CCNH: variants seen among roughly 807,000 people sequenced by gnomAD.
The protein encoded by CCNH is cyclin-H.
CCNH carries 31 observed loss-of-function variants against 41.9 expected under a neutral mutation model. The observed-to-expected ratio is 0.74, with a 90% CI of 0.56 to 1.00. CCNH has a LOEUF of 1.00. Ranked by LOEUF, CCNH falls within the 50% of genes least tolerant of loss-of-function variation. CCNH has a pLI of 0.00. For missense variants in CCNH, 362 were observed against 388.4 expected (o/e 0.93, Z 0.57); for synonymous variants, 138 against 136.1 (o/e 1.01, Z -0.10).
intron 7 of CCNH, among the ~76,000 whole-genome samples, chr5:87,397,765 G>A (rs1360334489): frequency 6.6e-6 from 1 of 152,194 alleles, no homozygotes; most frequent in Non-Finnish European, 1.5e-5. Context: ...GAAAGGGTAG[G>A]ATTAGTAGTT....
At chr5:87,351,726 G>A (rs1368590801) in intron 9 of CCNH, among the ~76,000 whole-genome samples, 1 of 151,638 alleles carries the variant, frequency 6.6e-6, no homozygotes, top group African/African-American at 2.4e-5. Flanking sequence ...ATAAATGGAA[G>A]AGTAATTTTT....
intron 9 of CCNH, among the ~76,000 whole-genome samples, chr5:87,367,828 T>C (rs957727109): frequency 6.6e-6 from 1 of 152,218 alleles, no homozygotes; most frequent in African/African-American, 2.4e-5. Flanking sequence ...AACATTTTCG[T>C]TGTCATTCAA....
At chr5:87,401,901 T>C (rs1763450727) in intron 5 of CCNH, 129 bp from the exon 6 acceptor site, 1 of 538,216 alleles carries the variant, frequency 1.9e-6, no homozygotes, top group South Asian at 2.9e-5. Flanking sequence ...GAATGTATAA[T>C]CTGTAACTCC....
At chr5:87,316,422 A>G (rs974319730), downstream of CCNH, among the ~76,000 whole-genome samples, 4 of 152,376 alleles carry the variant, frequency 2.6e-5, no homozygotes, top group African/African-American at 9.6e-5. Flanking sequence ...GTAGATAAAC[A>G]GTTAAATGGA....
chr5:87,368,472 T>C (rs1427419868), intron 9 of CCNH, among the ~76,000 whole-genome samples: 3 of 152,212 alleles, frequency 2.0e-5, no homozygotes, highest in South Asian at 4.1e-4. Context: ...GCCTGTAGTG[T>C]CTACTTAGTT....
Position 87,333,297 on chromosome 5 carries a change from A to T in CCNH, c.*91-14400T>A, listed in dbSNP as rs1222731120. On this transcript the variant is annotated intron_variant and NMD_transcript_variant, in intron 9 of 9. Transcript: ENST00000645953. ...AGAAGATAGAAGGCGTGTACGAGCT[A>T]TTCTACCTTACACAAAAGTACCAGA... 2 of 1,613,098 alleles carry T rather than the reference A, an allele frequency of 1.2e-6. No homozygotes were observed. Among genetic ancestry groups the T allele is most frequent in the Non-Finnish European group, 1.7e-6 (2 of 1,179,534 alleles).
chr5:87,389,334 A>C, downstream of CCNH: 1 of 1,605,716 alleles, frequency 6.2e-7, no homozygotes, highest in Non-Finnish European at 8.5e-7. Flanking sequence ...TCTGTCTCAA[A>C]AAAAACAAAA....
At chr5:87,335,910 T>A (rs1757942538) in intron 9 of CCNH, among the ~76,000 whole-genome samples, 2 of 152,192 alleles carry the variant, frequency 1.3e-5, no homozygotes, top group African/African-American at 4.8e-5. Context: ...CACTGATAAA[T>A]AGTTTTGGAT....
intron 9 of CCNH, among the ~76,000 whole-genome samples, chr5:87,328,379 T>A (rs1388784471): frequency 6.6e-6 from 1 of 152,184 alleles, no homozygotes; most frequent in Non-Finnish European, 1.5e-5. Flanking sequence ...TAAAGAGATA[T>A]AATAAGGCTT....
downstream of CCNH, among the ~76,000 whole-genome samples, chr5:87,316,590 A>G (rs1756358867): frequency 6.6e-6 from 1 of 152,102 alleles, no homozygotes; most frequent in African/African-American, 2.4e-5. Context: ...GACCTGTCCC[A>G]CAGAGACTTG....
chr5:87,336,520 T>A (rs1360898525), intron 9 of CCNH, among the ~76,000 whole-genome samples: 1 of 152,100 alleles, frequency 6.6e-6, no homozygotes, highest in African/African-American at 2.4e-5. Flanking sequence ...AATAAAGCAC[T>A]TTAGCCTGTT....
At chr5:87,398,829 T>C (rs3093832) in intron 7 of CCNH, among the ~76,000 whole-genome samples, 9 of 151,936 alleles carry the variant, frequency 5.9e-5, no homozygotes, top group East Asian at 3.9e-4. Flanking sequence ...AAAAATTAGC[T>C]GGGCGTGGTG....
chr5:87,324,115 A>T (rs1237171726), intron 9 of CCNH, among the ~76,000 whole-genome samples: 1 of 152,232 alleles, frequency 6.6e-6, no homozygotes, highest in Non-Finnish European at 1.5e-5. Flanking sequence ...GTGATTTCTT[A>T]TCTTCATGTG....
At chr5:87,364,674 G>A (rs1760373062) in intron 9 of CCNH, among the ~76,000 whole-genome samples, 1 of 151,938 alleles carries the variant, frequency 6.6e-6, no homozygotes, top group Non-Finnish European at 1.5e-5. Context: ...TTTCTTTTTA[G>A]TTCTACTCTG....
At chr5:87,389,022 A>G (rs1370314226), downstream of CCNH, among the ~76,000 whole-genome samples, 1 of 152,232 alleles carries the variant, frequency 6.6e-6, no homozygotes, top group Non-Finnish European at 1.5e-5. Context: ...CAAAGGTTAC[A>G]AAGTCTATAT....
rs183544492 is a variant in CCNH at position 87,345,583 on chromosome 5, A to G, written c.*91-26686T>C. 1.2e-3 allele frequency among the ~76,000 whole-genome samples: 179 copies of G among 152,302 alleles called. 2 individuals are homozygous for G. Among genetic ancestry groups the G allele is most frequent in the African/African-American group, 4.1e-3 (169 of 41,584 alleles). Reference sequence around the variant, plus strand: ...CAAAATTTACACAGGGAGCACCAGGAGATCTGAATCAGTGAGTTAATGCTT... The same window carrying G: ...CAAAATTTACACAGGGAGCACCAGGGGATCTGAATCAGTGAGTTAATGCTT... On this transcript the variant is annotated intron_variant and NMD_transcript_variant, in intron 9 of 9. Transcript: ENST00000645953.
At chr5:87,380,038 C>T (rs539806418), upstream of CCNH, among the ~76,000 whole-genome samples, 6 of 152,210 alleles carry the variant, frequency 3.9e-5, no homozygotes, top group South Asian at 4.1e-4. Context: ...CCATTATTTT[C>T]GTACAAGCCA....
chr5:87,412,745 T>C lies in CCNH; in HGVS notation c.50A>G (p.Glu17Gly), dbSNP rs765742431. The change falls in exon 1 of 9, where the codon GAG (glutamate) becomes GGG (glycine). Residue 17 changes from glutamate to glycine, a missense_variant. Coordinates refer to ENST00000256897, the MANE Select transcript of CCNH (RefSeq NM_001239.4). ...QKRHWTFSSE[E>G]QLARLRADAN... Reference sequence around the variant, plus strand: ...GTCAGCCCGCAGTCTTGCCAGCTGCTCCTCGCTGGAGAAGGTCCAGTGCCG... The same window carrying C: ...GTCAGCCCGCAGTCTTGCCAGCTGCCCCTCGCTGGAGAAGGTCCAGTGCCG... 1 of 1,614,208 alleles carries C rather than the reference T, an allele frequency of 6.2e-7. No homozygotes were observed. Among genetic ancestry groups the C allele is most frequent in the Non-Finnish European group, 8.5e-7 (1 of 1,180,026 alleles).
intron 9 of CCNH, chr5:87,349,380 T>C: frequency 6.2e-7 from 1 of 1,610,704 alleles, no homozygotes; most frequent in Non-Finnish European, 8.5e-7. Flanking sequence ...TCATAATTTT[T>C]TAGCTATCTT....
Sources: allele counts gnomAD v4.1 joint callset (sites outside exome capture counted in the v4.1 genomes callset), GRCh38; gene constraint gnomAD v4.1.1; transcripts MANE v1.5; gene names NCBI Gene and HGNC (gene_info 2026-07-23, HGNC 2026-07-21).